The following RNF168 variants were observed in gnomAD, a reference collection of about 807,000 sequenced individuals.
RNF168 encodes the protein E3 ubiquitin-protein ligase RNF168.
A neutral mutation model predicts 34.9 loss-of-function variants in RNF168; 34 were observed. The observed-to-expected ratio is 0.97, with a 90% confidence interval of 0.74 to 1.30. The LOEUF (loss-of-function observed/expected upper bound fraction) is 1.30. Among genes scored for constraint, RNF168 ranks in the 50% most tolerant of loss-of-function variants. The pLI, the probability that RNF168 is intolerant of heterozygous loss-of-function variation, is 0.00. For missense variants in RNF168, 725 were observed against 682.5 expected, an observed-to-expected ratio of 1.06 and a Z score of -0.69; for synonymous variants, 264 against 254.7, an observed-to-expected ratio of 1.04 and a Z score of -0.35.
intron 1 of RNF168, among the ~76,000 whole-genome samples, chr3:196,490,467 G>T (rs1455577501): frequency 6.6e-6 from 1 of 152,082 alleles, no homozygotes; most frequent in Non-Finnish European, 1.5e-5. Flanking sequence ...CGGCAGGGGT[G>T]GATGGTGAGA....
chr3:196,488,382 T>C (rs1732508037), intron 2 of RNF168, among the ~76,000 whole-genome samples: 1 of 151,476 alleles, frequency 6.6e-6, no homozygotes. Context: ...CTCGGGAGGC[T>C]GAGGCAGGAG....
rs1233384482 is a variant in RNF168 at position 196,470,751 on chromosome 3, C to G, written c.*1068G>C. ...AATCTGTTTCAATGATCTGGACTGTCAGTCACCCCATCCAGCCTCATCCCA... is the reference window on the plus strand; with the variant it reads ...AATCTGTTTCAATGATCTGGACTGTGAGTCACCCCATCCAGCCTCATCCCA... On this transcript the variant is annotated 3_prime_UTR_variant, in exon 6 of 6. Transcript: ENST00000318037. 6.5e-6 allele frequency: 1 copy of G among 152,996 alleles called. No individual in the cohort carries two copies. Among genetic ancestry groups the G allele is most frequent in the Non-Finnish European group, 1.5e-5 (1 of 68,566 alleles). The allele number at this position is 152,996 out of a possible 1,614,324, so 9.5% of individuals were successfully genotyped here. A position where few individuals can be genotyped will look rare whatever the true frequency, so the allele number is the denominator to read the frequency against.
At chr3:196,502,847 C>T (rs920750926) in intron 1 of RNF168, 26 bp downstream of exon 1, 1 of 1,606,786 alleles carries the variant, frequency 6.2e-7, no homozygotes, top group African/African-American at 1.3e-5. Context: ...GGCTTTTGGC[C>T]AACAAACACG....
chr3:196,494,891 T>G (rs1732699361), intron 1 of RNF168, among the ~76,000 whole-genome samples: 1 of 152,026 alleles, frequency 6.6e-6, no homozygotes, highest in Non-Finnish European at 1.5e-5. Context: ...GGCGTAGTGG[T>G]GTGTGCCTGT....
At chr3:196,483,929 G>A (rs1442075278) in intron 3 of RNF168, 38 bp from the exon 4 acceptor site, 2 of 1,506,640 alleles carry the variant, frequency 1.3e-6, no homozygotes, top group Non-Finnish European at 1.8e-6. Context: ...CATTATGAGA[G>A]AGAACTTTAT....
At chr3:196,500,144 C>T (rs1732843873) in intron 1 of RNF168, among the ~76,000 whole-genome samples, 1 of 152,126 alleles carries the variant, frequency 6.6e-6, no homozygotes, top group Non-Finnish European at 1.5e-5. Context: ...CTAGAAATTC[C>T]ACTTCCAGGT....
rs1436570153 is a variant in RNF168, at chr3:196,475,175, T to A, written c.762+56A>T. 9 of 970,764 alleles carry A rather than the reference T, an allele frequency of 9.3e-6. No individual in the cohort carries two copies. The South Asian group carries it at 1.0e-4, about 11-fold the overall frequency. The allele number at this position is 970,764 out of a possible 1,614,324, so 60.1% of individuals were successfully genotyped here. ...AAAGGTAGAAAACTATGGATAGCAC[T>A]AATCTACAGCATTAATGAACCAGCA... On this transcript the variant is annotated intron_variant, in intron 5 of 5. Transcript: ENST00000318037.
At chr3:196,500,117 T>C (rs1055482003) in intron 1 of RNF168, among the ~76,000 whole-genome samples, 1 of 152,084 alleles carries the variant, frequency 6.6e-6, no homozygotes, top group Non-Finnish European at 1.5e-5. Flanking sequence ...CAATCACACA[T>C]AGAATTACCA....
rs2108642695 is a variant in RNF168, at chr3:196,469,767, A to G, written c.*2052T>C. 1 of 152,336 alleles carries G rather than the reference A, an allele frequency of 6.6e-6. No homozygotes were observed. The highest frequency in any genetic ancestry group is 2.4e-5 in the African/African-American group (1 of 41,580). 9.4% of individuals were successfully genotyped at this position (152,336 alleles called of 1,614,324 possible). A position where few individuals can be genotyped will look rare whatever the true frequency, so the allele number is the denominator to read the frequency against. ...ACTCAAATAAAAGCAGTATCAACAC[A>G]AATGATCATATAAGAAAACACGTGG... On this transcript the variant is annotated 3_prime_UTR_variant, in exon 6 of 6. Transcript: ENST00000318037.
At chr3:196,488,862 T>C (rs1732522165) in intron 1 of RNF168, among the ~76,000 whole-genome samples, 179 bp from the exon 2 acceptor site, 1 of 151,526 alleles carries the variant, frequency 6.6e-6, no homozygotes, top group South Asian at 2.1e-4. Flanking sequence ...ATTTTATTTA[T>C]TTTTTTTGAG....
chr3:196,493,189 C>A (rs964234322), intron 1 of RNF168, among the ~76,000 whole-genome samples: 1 of 152,112 alleles, frequency 6.6e-6, no homozygotes, highest in Non-Finnish European at 1.5e-5. Flanking sequence ...AGGAAAGGCA[C>A]GTGCGATTTA....
chr3:196,479,642 G>A (rs898261715), intron 4 of RNF168, among the ~76,000 whole-genome samples: 2 of 151,826 alleles, frequency 1.3e-5, no homozygotes, highest in Non-Finnish European at 2.9e-5. Context: ...CCAGGCTGGA[G>A]TGCAGTGGTG....
intron 5 of RNF168, 198 bp downstream of exon 5, chr3:196,475,033 T>C: frequency 1.8e-6 from 1 of 552,784 alleles, no homozygotes; most frequent in South Asian, 2.1e-5. Context: ...AACTTTGCTT[T>C]TTGTAGTATG....
intron 5 of RNF168, 164 bp downstream of exon 5, chr3:196,475,067 C>T: frequency 6.7e-6 from 4 of 599,790 alleles, no homozygotes; most frequent in Non-Finnish European, 6.0e-6. Context: ...TTGTAGTTTC[C>T]TTTGGAGAAA....
chr3:196,503,321 A>C lies in RNF168; in HGVS notation c.-148T>G. ...AGAATTCGGAGAACAGGAGCATCCA[A>C]CACGTCTTGAAGCAAAAAGGCGCTC... On this transcript the variant is annotated 5_prime_UTR_variant, in exon 1 of 6. Coordinates refer to ENST00000318037, the MANE Select transcript of RNF168 (RefSeq NM_152617.4). The C allele has an allele frequency of 1.3e-6, 1 of 745,256 alleles. No individual in the cohort carries two copies. The highest frequency in any genetic ancestry group is 2.3e-6 in the Non-Finnish European group (1 of 432,044). 46.2% of individuals were successfully genotyped at this position (745,256 alleles called of 1,614,324 possible). A position where few individuals can be genotyped will look rare whatever the true frequency, so the allele number is the denominator to read the frequency against.
At position 196,471,882 on chromosome 3, in the gene RNF168, G is replaced by A. The variant is rs1454065134; in HGVS notation, c.1653C>T (p.His551=). 6 of 1,613,966 alleles carry A rather than the reference G, an allele frequency of 3.7e-6. No individual in the cohort carries two copies. Among genetic ancestry groups the A allele is most frequent in the South Asian group, 2.2e-5 (2 of 91,092 alleles). The change falls in exon 6 of 6, where the codon CAC becomes CAT. Residue 551 remains histidine, a synonymous_variant. Transcript: ENST00000318037. ...TCTGTGAAATGCTAGGCTGTAGGGA[G>A]TGAGCACTTTTGGATACCTTACAGT... ...RDHCKVSKSA[H]SLQPSISQKS...
intron 4 of RNF168, among the ~76,000 whole-genome samples, chr3:196,476,788 G>A (rs962807987): frequency 2.0e-5 from 3 of 147,310 alleles, no homozygotes; most frequent in African/African-American, 7.6e-5. Context: ...TCACTCTGTC[G>A]CCAGGCTGGA....
chr3:196,477,450 T>C (rs1444579501), intron 4 of RNF168, among the ~76,000 whole-genome samples: 1 of 152,246 alleles, frequency 6.6e-6, no homozygotes, highest in Non-Finnish European at 1.5e-5. Flanking sequence ...ATATTCCTTA[T>C]GGGCAAACAA....
chr3:196,503,709 TCCCTC>T lies in RNF168; in HGVS notation c.-541_-537del. The T allele has an allele frequency of 5.6e-6, 1 of 180,146 alleles. No homozygotes were observed. Among genetic ancestry groups the T allele is most frequent in the Non-Finnish European group, 1.2e-5 (1 of 83,804 alleles). 11.2% of individuals were successfully genotyped at this position (180,146 alleles called of 1,614,324 possible). On this transcript the variant is annotated 5_prime_UTR_variant, in exon 1 of 6. Transcript: ENST00000318037. ...AGTTTCCCAGAGCTCCGCGCCCCCG[TCCCTC>T]CTACGCAGCCAGAAACCCTATTCGT...
Sources: allele counts gnomAD v4.1 joint callset (sites outside exome capture counted in the v4.1 genomes callset), GRCh38; gene constraint gnomAD v4.1.1; transcripts MANE v1.5; gene names NCBI Gene and HGNC (gene_info 2026-07-23, HGNC 2026-07-21).